PLEK: variants seen among roughly 807,000 people sequenced by gnomAD.
PLEK encodes the protein platelet 47 kDa protein.
PLEK carries 25 observed loss-of-function variants against 43.9 expected under a neutral mutation model. That is an observed-to-expected ratio of 0.57 (90% confidence interval 0.41 to 0.79). The LOEUF is 0.79. Among genes scored for constraint, PLEK ranks in the 30% least tolerant of loss-of-function variants. The pLI, the probability that PLEK is intolerant of heterozygous loss-of-function variation, is 0.00. For missense variants in PLEK, 396 were observed against 413.3 expected, an observed-to-expected ratio of 0.96 and a Z score of 0.36; for synonymous variants, 152 against 144.4, an observed-to-expected ratio of 1.05 and a Z score of -0.38.
intron 1 of PLEK, among the ~76,000 whole-genome samples, chr2:68,368,283 C>A (rs1042146838): frequency 2.0e-5 from 3 of 152,242 alleles, no homozygotes; most frequent in African/African-American, 7.2e-5. Context: ...AAGAGCACTT[C>A]TAGCCAACCA....
chr2:68,370,543 T>C (rs1673379415), intron 1 of PLEK, among the ~76,000 whole-genome samples: 1 of 152,212 alleles, frequency 6.6e-6, no homozygotes, highest in African/African-American at 2.4e-5. Flanking sequence ...TGGAGTGGAA[T>C]GGTACAATCT....
chr2:68,369,576 A>C (rs1322567268), intron 1 of PLEK, among the ~76,000 whole-genome samples: 5 of 147,242 alleles, frequency 3.4e-5, no homozygotes, highest in African/African-American at 1.3e-4. Context: ...CTCCGCCCCC[A>C]AAACCGTACT....
At chr2:68,374,338 GA>G (rs1673463516) in intron 1 of PLEK, among the ~76,000 whole-genome samples, 1 of 152,144 alleles carries the variant, frequency 6.6e-6, no homozygotes, top group African/African-American at 2.4e-5. Flanking sequence ...TAGCGGCTTT[GA>G]AAAGAATCCA....
At position 68,393,152 on chromosome 2, in the gene PLEK, C is replaced by G. The variant is rs779375527; in HGVS notation, c.763-10C>G. ...ACCATCCCTTCTTTTAATGTTGATC[C>G]TGGATACAGGGGCATAGAAGGAAAA... On this transcript the variant is annotated splice_polypyrimidine_tract_variant and intron_variant, in intron 6 of 8. Transcript: ENST00000234313. 3.8e-6 allele frequency: 6 copies of G among 1,578,174 alleles called. No individual in the cohort carries two copies. In the African/African-American group the frequency reaches 8.1e-5, roughly 21 times the overall value.
chr2:68,371,157 A>G (rs7355584), intron 1 of PLEK, among the ~76,000 whole-genome samples: 52,606 of 152,102 alleles, frequency 0.35, 10,076 homozygotes, highest in East Asian at 0.74. Flanking sequence ...TCTCATCTGC[A>G]GCTTGCATTT....
chr2:68,373,532 C>CT (rs1673448453), intron 1 of PLEK, among the ~76,000 whole-genome samples: 1 of 151,558 alleles, frequency 6.6e-6, no homozygotes, highest in African/African-American at 2.4e-5. Flanking sequence ...ACATAGGTAA[C>CT]TAACCTTCAC....
intron 1 of PLEK, among the ~76,000 whole-genome samples, chr2:68,374,167 A>C (rs991632072): frequency 2.6e-5 from 4 of 152,136 alleles, no homozygotes; most frequent in Non-Finnish European, 5.9e-5. Flanking sequence ...ACGCTACCTC[A>C]CTCCAAAATA....
rs1017107258 is a variant in PLEK at position 68,381,827 on chromosome 2, G to A, written c.381-715G>A. Among the ~76,000 whole-genome samples the A allele has an allele frequency of 1.1e-3, 170 of 152,268 alleles. 1 individual carries two copies. The highest frequency in any genetic ancestry group is 4.7e-4 in the Non-Finnish European group (32 of 68,028). Reference sequence around the variant, plus strand: ...CTTTTTGGCAAAGAGCTCCAACGAGGCACCTAGTGCAGCTGCAGCTGCTGA... The same window carrying A: ...CTTTTTGGCAAAGAGCTCCAACGAGACACCTAGTGCAGCTGCAGCTGCTGA... On this transcript the variant is annotated intron_variant, in intron 3 of 8. Coordinates refer to ENST00000234313, the MANE Select transcript of PLEK (RefSeq NM_002664.3).
intron 8 of PLEK, among the ~76,000 whole-genome samples, chr2:68,394,692 T>C (rs1155426): frequency 0.8 from 121,622 of 152,184 alleles, 49,360 homozygotes; most frequent in African/African-American, 0.93. Context: ...GGGAAAACTC[T>C]ATCACTTCAC....
chr2:68,395,734 A>T lies in PLEK; in HGVS notation c.971A>T (p.His324Leu), dbSNP rs1169504759. The change falls in exon 9 of 9, where the codon CAC becomes CTC. Residue 324 changes from histidine (H) to leucine (L), a missense_variant. Coordinates refer to ENST00000234313, the MANE Select transcript of PLEK (RefSeq NM_002664.3). ...LFEIITADEVHYFLQAATPKE... is the reference protein window; with the variant it reads ...LFEIITADEVLYFLQAATPKE... The stretch of plus-strand genomic sequence containing the variant: ...GAGATCATCACAGCAGATGAAGTGC[A>T]CTATTTCTTGCAAGCAGCCACCCCC... The T allele has an allele frequency of 6.2e-7, 1 of 1,613,926 alleles. No homozygotes were observed. The highest frequency in any genetic ancestry group is 1.7e-5 in the Admixed American group (1 of 60,002).
intron 8 of PLEK, 49 bp from the exon 9 acceptor site, chr2:68,395,631 G>C (rs762160730): frequency 6.2e-7 from 1 of 1,608,092 alleles, no homozygotes; most frequent in African/African-American, 1.3e-5. Context: ...TGGAGCAAGT[G>C]GTCTTTCTGA....
intron 1 of PLEK, among the ~76,000 whole-genome samples, chr2:68,379,246 T>A (rs904361850): frequency 8.5e-5 from 13 of 152,200 alleles, no homozygotes; most frequent in African/African-American, 3.1e-4. Flanking sequence ...AGCTTGTAAG[T>A]GAAGGCAGAT....
At chr2:68,367,748 G>A (rs936018940) in intron 1 of PLEK, among the ~76,000 whole-genome samples, 1 of 152,158 alleles carries the variant, frequency 6.6e-6, no homozygotes, top group Non-Finnish European at 1.5e-5. Context: ...ACTGGTTCCT[G>A]GGTTGGTTGC....
intron 1 of PLEK, among the ~76,000 whole-genome samples, chr2:68,374,820 C>T (rs1242794519): frequency 1.3e-5 from 2 of 152,122 alleles, no homozygotes; most frequent in Non-Finnish European, 2.9e-5. Context: ...TTATAATGTT[C>T]CAGGTACTAG....
chr2:68,371,840 TC>T lies in PLEK; in HGVS notation c.42+6449del, dbSNP rs1158678764. 1.2e-3 allele frequency among the ~76,000 whole-genome samples: 187 copies of T among 152,270 alleles called. 1 individual carries two copies. Among genetic ancestry groups the T allele is most frequent in the African/African-American group, 4.4e-3 (182 of 41,554 alleles). Reference sequence around the variant, plus strand: ...ACATCAAATTGCTGACTCATAGAGCTCCTTTTTTCCCACATGCTCATTTCCC... The same window carrying T: ...ACATCAAATTGCTGACTCATAGAGCTCTTTTTTCCCACATGCTCATTTCCC... On this transcript the variant is annotated intron_variant, in intron 1 of 8. Transcript: ENST00000234313.
At chr2:68,379,122 A>G (rs1673561008) in intron 1 of PLEK, among the ~76,000 whole-genome samples, 1 of 152,190 alleles carries the variant, frequency 6.6e-6, no homozygotes, top group Non-Finnish European at 1.5e-5. Flanking sequence ...TGACAGAGGG[A>G]GAACCTGTCT....
chr2:68,395,448 TA>T (rs2103789146), intron 8 of PLEK, among the ~76,000 whole-genome samples: 1 of 152,204 alleles, frequency 6.6e-6, no homozygotes, highest in Admixed American at 6.5e-5. Flanking sequence ...ACCTATTTCT[TA>T]AAAATATATA....
chr2:68,385,499 G>A (rs1176336293), intron 4 of PLEK, among the ~76,000 whole-genome samples: 1 of 152,094 alleles, frequency 6.6e-6, no homozygotes, highest in Non-Finnish European at 1.5e-5. Flanking sequence ...AACTTAAAAT[G>A]ATTTCCCATT....
chr2:68,380,632 A>G (rs1044099482), intron 2 of PLEK, 91 bp from the exon 3 acceptor site: 1 of 1,455,262 alleles, frequency 6.9e-7, no homozygotes, highest in African/African-American at 1.4e-5. Context: ...TCTCTTGGCT[A>G]GAAGAGGTTT....
Sources: gnomAD v4.1 joint callset for allele counts (sites outside exome capture counted in the v4.1 genomes callset) on GRCh38, gnomAD v4.1.1 for gene constraint, MANE v1.5 for transcripts, NCBI Gene and HGNC (gene_info 2026-07-23, HGNC 2026-07-21) for gene names.